PFAS: variants seen among roughly 807,000 people sequenced by gnomAD.
PFAS encodes phosphoribosylformylglycinamidine synthase.
In PFAS, 97 loss-of-function variants were observed where a neutral mutation model predicts 140.6. That is an observed-to-expected ratio of 0.69 (90% CI 0.59 to 0.82). The LOEUF is 0.82. PFAS is among the 40% of genes least tolerant of loss of function. The pLI is 0.00. For missense variants in PFAS, 1,656 were observed against 1,780.2 expected (o/e 0.93, Z 1.26); for synonymous variants, 679 against 718.8 (o/e 0.94, Z 0.88).
chr17:8,251,797 G>A (rs4791636), intron 1 of PFAS, among the ~76,000 whole-genome samples: 13,009 of 150,604 alleles, frequency 0.086, 1,113 homozygotes, highest in East Asian at 0.3. Flanking sequence ...TCAGCCTCCC[G>A]AGTAGCTGGG....
Position 8,264,239 on chromosome 17 carries a change from C to G in PFAS, c.1819C>G (p.Pro607Ala). Residue 607 changes from proline (P) to alanine (A), a missense_variant, in exon 16 of 28, where the codon CCT becomes GCT. By Grantham distance (27) the Pro-to-Ala change is conservative. Coordinates refer to ENST00000314666, the MANE Select transcript of PFAS (RefSeq NM_012393.3). ...RIVLVDDREC[P>A]VRRNGQGDAP... ...AGTGCTGGTGGACGATCGGGAGTGT[C>G]CTGTCAGAAGAAATGGCCAGGGGGA... 6.2e-7 allele frequency: 1 copy of G among 1,614,092 alleles called. No individual in the cohort carries two copies. The highest frequency in any genetic ancestry group is 8.5e-7 in the Non-Finnish European group (1 of 1,179,996).
chr17:8,267,167 G>A lies in PFAS; in HGVS notation c.3107G>A (p.Arg1036Lys), dbSNP rs771475617. 6.2e-7 allele frequency: 1 copy of A among 1,608,790 alleles called. No homozygotes were observed. Among genetic ancestry groups the A allele is most frequent in the Non-Finnish European group, 8.5e-7 (1 of 1,178,118 alleles). The change falls in exon 24 of 28, where the codon AGG (arginine) becomes AAG (lysine). Residue 1036 changes from arginine to lysine, a missense_variant. Around this residue, in one of 2 missense-constraint regions of PFAS, gnomAD observed 883 missense variants for 1,023.0 expected, o/e 0.86. Coordinates refer to ENST00000314666, the MANE Select transcript of PFAS (RefSeq NM_012393.3). This position sits in a 1 kb window ranked among gnomAD's most constrained non-coding sequence, Gnocchi z 4.9. Reference sequence around the variant, plus strand: ...GTGGCAGAGGAGGAACGGGGCCTGAGGGAGCGGATGGGGCCCAGCTATTGC... The same window carrying A: ...GTGGCAGAGGAGGAACGGGGCCTGAAGGAGCGGATGGGGCCCAGCTATTGC... ...RCVAEEERGL[R>K]ERMGPSYCLP...
chr17:8,262,774 C>G (rs1989642966), intron 11 of PFAS, 146 bp from the exon 12 acceptor site: 3 of 661,918 alleles, frequency 4.5e-6, no homozygotes, highest in Non-Finnish European at 8.1e-6. Context: ...TCAGCCTGGA[C>G]AACAGAGCGA....
chr17:8,265,722 C>G, intron 20 of PFAS, 83 bp downstream of exon 20: 1 of 1,396,568 alleles, frequency 7.2e-7, no homozygotes, highest in South Asian at 1.2e-5. Context: ...GGGCCCCCAT[C>G]TCAACACTGG....
At position 8,268,860 on chromosome 17, in the gene PFAS, AG is replaced by A; in HGVS notation, c.3706+6del. 4 of 1,610,182 alleles carry A rather than the reference AG, an allele frequency of 2.5e-6. No individual in the cohort carries two copies. The highest frequency in any genetic ancestry group is 2.5e-6 in the Non-Finnish European group (3 of 1,179,864). ...GTGTGGAGTGCGCACGGGGAAGGTC[AG>A]GCCCAAGGAAGGCTGGGGGAGGGCC... On this transcript the variant is annotated splice_donor_5th_base_variant and intron_variant, in intron 27 of 27. Coordinates refer to ENST00000314666, the MANE Select transcript of PFAS (RefSeq NM_012393.3).
chr17:8,248,028 A>C, upstream of PFAS: 2 of 1,413,432 alleles, frequency 1.4e-6, no homozygotes. Context: ...GGGCCCGGCC[A>C]GCCGCCATGA....
chr17:8,250,712 T>TGGAGGTCAATACACCAAGACACC (rs1567632600), intron 1 of PFAS, among the ~76,000 whole-genome samples: 1 of 152,140 alleles, frequency 6.6e-6, no homozygotes, highest in Non-Finnish European at 1.5e-5. Flanking sequence ...TGATGCACAC[T>TGGAGGTCAATACACCAAGACACC]GGAGGTCAAT....
At chr17:8,247,650 A>G, upstream of PFAS, 1 of 217,084 alleles carries the variant, frequency 4.6e-6, no homozygotes, top group Non-Finnish European at 9.4e-6. Flanking sequence ...TTCGGGTCTC[A>G]GACGCTTTTA....
rs78977858 is a variant in PFAS at position 8,267,772 on chromosome 17, G to A, written c.3382+107G>A. On this transcript the variant is annotated intron_variant, in intron 26 of 27. Coordinates refer to ENST00000314666, the MANE Select transcript of PFAS (RefSeq NM_012393.3). This position sits in a 1 kb window ranked among gnomAD's most constrained non-coding sequence, Gnocchi z 4.9. ...TTGGCCTCTCACTCCACCGAGCTAC[G>A]AGAGAGTGGGCCCATTCGTTCTGGG... is the stretch of plus-strand genomic sequence containing the variant. The A allele has an allele frequency of 2.9e-3, 1,740 of 606,796 alleles. 20 individuals carry two copies. The highest frequency in any genetic ancestry group is 0.028 in the African/African-American group (1,485 of 53,874). 37.6% of individuals were successfully genotyped at this position (606,796 alleles called of 1,614,324 possible).
At chr17:8,264,626 C>T in intron 17 of PFAS, 25 bp downstream of exon 17, 1 of 1,574,872 alleles carries the variant, frequency 6.3e-7, no homozygotes. Context: ...CTTCCTCTGC[C>T]CCCTGCCTCC....
chr17:8,260,274 G>C (rs138630111), intron 11 of PFAS, among the ~76,000 whole-genome samples: 1 of 152,114 alleles, frequency 6.6e-6, no homozygotes, highest in African/African-American at 2.4e-5. Flanking sequence ...AGCGTGCCAC[G>C]ATGCCACTAG....
intron 17 of PFAS, 40 bp downstream of exon 17, chr17:8,264,641 T>C (rs764979246): frequency 6.4e-7 from 1 of 1,559,504 alleles, no homozygotes; most frequent in Non-Finnish European, 8.7e-7. Flanking sequence ...GCCTCCTTCC[T>C]CCGCTCAGCC....
chr17:8,265,316 G>T lies in PFAS; in HGVS notation c.2309G>T (p.Trp770Leu). Residue 770 changes from tryptophan to leucine, a missense_variant, in exon 19 of 28, where the codon TGG becomes TTG. Trp to Leu is a moderately conservative substitution (Grantham distance 61). Coordinates refer to ENST00000314666, the MANE Select transcript of PFAS (RefSeq NM_012393.3). ...GTGAAGTGTAGCGGGAACTGGATGT[G>T]GGCAGCCAAGCTCCCAGGGGAGGGC... Reference protein sequence around the residue: ...RDVKCSGNWMWAAKLPGEGAA... With the variant: ...RDVKCSGNWMLAAKLPGEGAA... The T allele has an allele frequency of 6.2e-7, 1 of 1,614,100 alleles. No individual in the cohort carries two copies. The highest frequency in any genetic ancestry group is 1.1e-5 in the South Asian group (1 of 91,070).
Position 8,262,794 on chromosome 17 carries a change from TC to T in PFAS, c.1337-125del, listed in dbSNP as rs531820795. 109 of 736,880 alleles carry T rather than the reference TC, an allele frequency of 1.5e-4. 1 individual carries two copies. The African/African-American group carries it at 1.6e-3, about 11-fold the overall frequency. 45.6% of individuals were successfully genotyped at this position (736,880 alleles called of 1,614,324 possible). On this transcript the variant is annotated intron_variant, in intron 11 of 27. Coordinates refer to ENST00000314666, the MANE Select transcript of PFAS (RefSeq NM_012393.3). The stretch of plus-strand genomic sequence containing the variant: ...CTGGACAACAGAGCGAGACTCCATC[TC>T]AAAAAAAAAAAAGCTGGTCAGGCTT...
Position 8,257,929 on chromosome 17 carries a change from G to A in PFAS, c.1198G>A (p.Val400Met). 1 of 1,614,212 alleles carries A rather than the reference G, an allele frequency of 6.2e-7. No homozygotes were observed. The highest frequency in any genetic ancestry group is 8.5e-7 in the Non-Finnish European group (1 of 1,180,022). Residue 400 changes from valine to methionine, a missense_variant, in exon 10 of 28, where the codon GTG becomes ATG. Around this residue, in one of 2 missense-constraint regions of PFAS, gnomAD observed 773 missense variants for 757.3 expected, o/e 1.02. Transcript: ENST00000314666. Reference protein sequence around the residue: ...SDYGNKFGEPVLAGFARSLGL... With the variant: ...SDYGNKFGEPMLAGFARSLGL... ...CTATGGCAACAAGTTTGGGGAACCA[G>A]TGCTGGCTGGTGAGGCTGGGGTGTG...
chr17:8,255,857 G>A lies in PFAS; in HGVS notation c.627G>A (p.Glu209=). 2.5e-6 allele frequency: 4 copies of A among 1,614,138 alleles called. No homozygotes were observed. The highest frequency in any genetic ancestry group is 3.4e-6 in the Non-Finnish European group (4 of 1,180,000). The change falls in exon 6 of 28, where the codon GAG becomes GAA. Residue 209 remains glutamate (E), a synonymous_variant. Transcript: ENST00000314666. ...DLDFYTKRFQ[E]LQRNPSTVEA... is the part of the protein sequence containing the mutation. The stretch of plus-strand genomic sequence containing the variant: ...ACTTCTACACCAAGCGCTTCCAGGA[G>A]CTACAGCGGAACCCGAGCACTGTGG...
rs1213915664 is a variant in PFAS at position 8,254,119 on chromosome 17, G to A, written c.142+40G>A. Reference sequence around the variant, plus strand: ...TTAGATTCTTGGGGGACATGCCTCGGTGCTGGGGGCAGTGTCTCAAGGTGT... The same window carrying A: ...TTAGATTCTTGGGGGACATGCCTCGATGCTGGGGGCAGTGTCTCAAGGTGT... On this transcript the variant is annotated intron_variant, in intron 2 of 27. Transcript: ENST00000314666. 1.9e-6 allele frequency: 3 copies of A among 1,613,804 alleles called. No individual in the cohort carries two copies. In the African/African-American group the frequency reaches 4.0e-5, roughly 22 times the overall value.
In PFAS at chr17:8,265,505, T is replaced by G. The variant is rs770570726; in HGVS notation, c.2461+37T>G. 19 of 1,612,946 alleles carry G rather than the reference T, an allele frequency of 1.2e-5. 1 individual carries two copies. The South Asian group carries it at 1.8e-4, about 15-fold the overall frequency. ...GAGCCCCAGGGAGGGGAGGAGGAAC[T>G]ATGGAGCTGGGTTGGCAACTCATTC... On this transcript the variant is annotated intron_variant, in intron 19 of 27. Transcript: ENST00000314666.
chr17:8,266,982 G>A lies in PFAS; in HGVS notation c.2968-46G>A. On this transcript the variant is annotated intron_variant, in intron 23 of 27. Transcript: ENST00000314666. This position sits in a 1 kb window ranked among gnomAD's most constrained non-coding sequence, Gnocchi z 5.0. ...TCCATCCCTCTCCCACTGTGGAGGGGGCCATCCTTTCTCCTAGCCCGTGGG... is the reference window on the plus strand; with the variant it reads ...TCCATCCCTCTCCCACTGTGGAGGGAGCCATCCTTTCTCCTAGCCCGTGGG... 6.2e-7 allele frequency: 1 copy of A among 1,608,940 alleles called. No homozygotes were observed. Among genetic ancestry groups the A allele is most frequent in the Non-Finnish European group, 8.5e-7 (1 of 1,178,588 alleles).
Sources: allele counts gnomAD v4.1 joint callset (sites outside exome capture counted in the v4.1 genomes callset), GRCh38; gene constraint gnomAD v4.1.1; regional missense constraint gnomAD v4.1.1; non-coding constraint Gnocchi (gnomAD v3.1); transcripts MANE v1.5; gene names NCBI Gene and HGNC (gene_info 2026-07-23, HGNC 2026-07-21).